Variants in ARAP2 observed in about 807,000 individuals in gnomAD.
ARAP2 encodes arf-GAP with Rho-GAP domain, ANK repeat and PH domain-containing protein 2.
In ARAP2, 148 loss-of-function variants were observed where a neutral mutation model predicts 194.5. That is an observed-to-expected ratio of 0.76 (90% CI 0.67 to 0.87). ARAP2 has a LOEUF of 0.87. Among genes scored for constraint, ARAP2 ranks in the 40% least tolerant of loss-of-function variants. The pLI, the probability that ARAP2 is intolerant of heterozygous loss-of-function variation, is 0.00. For missense variants in ARAP2, 2,128 were observed against 1,989.7 expected (o/e 1.07, Z -1.32); for synonymous variants, 695 against 683.5 (o/e 1.02, Z -0.26).
At position 36,030,648 on chromosome 4, in the gene ARAP2, A is replaced by G. The variant is rs578185529; in HGVS notation, n.608-11362T>C. 1.9e-3 allele frequency among the ~76,000 whole-genome samples: 288 copies of G among 152,184 alleles called. 1 individual carries two copies. Among genetic ancestry groups the G allele is most frequent in the African/African-American group, 6.7e-3 (278 of 41,550 alleles). On this transcript the variant is annotated intron_variant and non_coding_transcript_variant, in intron 5 of 12. Coordinates refer to the ARAP2 transcript ENST00000503225. ...TTCTTTTATTCTCATAAGCACATTT[A>G]TACATTGCCTCATATCTTTTCACTG...
At chr4:36,112,997 T>C (rs994688149) in intron 26 of ARAP2, among the ~76,000 whole-genome samples, 2 of 151,722 alleles carry the variant, frequency 1.3e-5, no homozygotes, top group Non-Finnish European at 2.9e-5. Context: ...GAAAACCCAA[T>C]GTTTAGAAAA....
At chr4:36,194,426 GAA>G (rs1742628979) in intron 6 of ARAP2, among the ~76,000 whole-genome samples, 1 of 151,946 alleles carries the variant, frequency 6.6e-6, no homozygotes, top group Admixed American at 6.5e-5. Context: ...CTTTAACACA[GAA>G]AATATACGAA....
rs1403512981 is a variant in ARAP2, at chr4:36,210,657, A to T, written c.1220T>A (p.Ile407Lys). The change falls in exon 6 of 33, where the codon ATA (isoleucine) becomes AAA (lysine). Residue 407 changes from isoleucine to lysine, a missense_variant. By Grantham distance (102) the Ile-to-Lys change is moderately radical. Transcript: ENST00000303965. ...GTATTCTGATTCAGAAGCAGTGTCTATCAAAAAATTGTTTTTGTCCTCTCG... is the reference window on the plus strand; with the variant it reads ...GTATTCTGATTCAGAAGCAGTGTCTTTCAAAAAATTGTTTTTGTCCTCTCG... Reference protein sequence around the residue: ...IPREDKNNFLIDTASESEYST... With the variant: ...IPREDKNNFLKDTASESEYST... 5 of 1,613,590 alleles carry T rather than the reference A, an allele frequency of 3.1e-6. No individual in the cohort carries two copies. The Admixed American group carries it at 8.3e-5, about 27-fold the overall frequency.
intron 32 of ARAP2, among the ~76,000 whole-genome samples, chr4:36,070,750 G>GT (rs1443016437): frequency 6.6e-6 from 1 of 152,142 alleles, no homozygotes; most frequent in African/African-American, 2.4e-5. Context: ...CAAACTCACT[G>GT]TATTACTTAA....
chr4:36,177,795 C>A, intron 9 of ARAP2, 32 bp downstream of exon 9: 4 of 1,516,512 alleles, frequency 2.6e-6, no homozygotes, highest in Non-Finnish European at 2.6e-6. Context: ...AATAAAATAG[C>A]AGCAATTTGC....
intron 3 of ARAP2, among the ~76,000 whole-genome samples, chr4:36,049,316 A>T (rs983780363): frequency 8.5e-5 from 13 of 152,182 alleles, no homozygotes; most frequent in Non-Finnish European, 1.5e-5. Flanking sequence ...AATGTATTCA[A>T]TCATTCTTTA....
chr4:36,234,941 G>A lies in ARAP2; in HGVS notation c.-159-5296C>T, dbSNP rs185530541. Among the ~76,000 whole-genome samples, 336 of 152,252 alleles carry A rather than the reference G, an allele frequency of 2.2e-3. 14 individuals are homozygous for A. The highest frequency in any genetic ancestry group is 0.022 in the Admixed American group (336 of 15,300). ...TAGTTGGCATTACAGACATGGCTGT[G>A]CATTTGCCCATGCTATCCTGACCCA... On this transcript the variant is annotated intron_variant, in intron 1 of 32. Coordinates refer to ENST00000303965, the MANE Select transcript of ARAP2 (RefSeq NM_015230.4).
intron 24 of ARAP2, among the ~76,000 whole-genome samples, chr4:36,117,782 A>G (rs183543201): frequency 6.6e-6 from 1 of 151,768 alleles, no homozygotes; most frequent in African/African-American, 2.4e-5. Flanking sequence ...GTACTAATTT[A>G]GGTCATTATT....
intron 9 of ARAP2, among the ~76,000 whole-genome samples, chr4:36,176,937 T>C (rs1287043942): frequency 6.6e-6 from 1 of 152,078 alleles, no homozygotes; most frequent in Non-Finnish European, 1.5e-5. Context: ...TATCATAAAA[T>C]GAGTTCATCT....
chr4:36,214,490 C>A lies in ARAP2; in HGVS notation c.906-10G>T. ...TCTTTCACGGAAATAGCTTAAAAAG[C>A]AAAGGAGAAAATACTTATGAGTGAA... On this transcript the variant is annotated splice_polypyrimidine_tract_variant and intron_variant, in intron 2 of 32. Coordinates refer to ENST00000303965, the MANE Select transcript of ARAP2 (RefSeq NM_015230.4). 1 of 1,583,264 alleles carries A rather than the reference C, an allele frequency of 6.3e-7. No homozygotes were observed.
chr4:36,144,160 T>C (rs529111245), intron 19 of ARAP2, among the ~76,000 whole-genome samples: 3 of 151,558 alleles, frequency 2.0e-5, no homozygotes, highest in African/African-American at 7.2e-5. Flanking sequence ...ACTCCATAGG[T>C]TAAAAAAAAG....
intron 15 of ARAP2, among the ~76,000 whole-genome samples, chr4:36,158,181 T>C (rs553051657): frequency 5.6e-4 from 86 of 152,276 alleles, no homozygotes; most frequent in African/African-American, 2.0e-3. Context: ...AAATGCCCCA[T>C]TGTAACTCTG....
chr4:36,096,922 A>G (rs1038058656), intron 27 of ARAP2, among the ~76,000 whole-genome samples: 1 of 152,138 alleles, frequency 6.6e-6, no homozygotes, highest in East Asian at 1.9e-4. Flanking sequence ...TGGTTTACAA[A>G]TAGGTATTTT....
At chr4:36,161,655 T>G (rs1560564813) in intron 11 of ARAP2, 105 bp from the exon 12 acceptor site, 1 of 858,908 alleles carries the variant, frequency 1.2e-6, no homozygotes, top group East Asian at 2.6e-5. Context: ...GTTGCGTATC[T>G]TCTCAACTTA....
chr4:36,088,388 C>T (rs530467422), intron 28 of ARAP2, among the ~76,000 whole-genome samples: 8 of 152,086 alleles, frequency 5.3e-5, no homozygotes, highest in African/African-American at 1.4e-4. Flanking sequence ...CAAGCATAAA[C>T]GTAAAGTTTG....
chr4:36,211,996 G>A (rs1263426832), intron 5 of ARAP2, among the ~76,000 whole-genome samples: 1 of 111,724 alleles, frequency 9.0e-6, no homozygotes, highest in Non-Finnish European at 2.0e-5. Context: ...CTTCTTGCCA[G>A]TGCTGAAACT....
intron 9 of ARAP2, among the ~76,000 whole-genome samples, chr4:36,169,361 C>T (rs1003590331): frequency 2.0e-5 from 3 of 152,036 alleles, no homozygotes; most frequent in African/African-American, 7.3e-5. Context: ...GTAAGAATGA[C>T]AACCTTTTAT....
intron 2 of ARAP2, among the ~76,000 whole-genome samples, chr4:36,225,767 C>A (rs1750169983): frequency 6.6e-6 from 1 of 152,102 alleles, no homozygotes; most frequent in Non-Finnish European, 1.5e-5. Flanking sequence ...ATCCACATTC[C>A]TTTGAGCAGC....
intron 9 of ARAP2, among the ~76,000 whole-genome samples, chr4:36,176,962 A>G (rs1738072310): frequency 6.6e-6 from 1 of 152,120 alleles, no homozygotes; most frequent in Non-Finnish European, 1.5e-5. Context: ...TCAGCTATCC[A>G]AAGTGCACAG....
Sources: allele counts gnomAD v4.1 joint callset (sites outside exome capture counted in the v4.1 genomes callset), GRCh38; gene constraint gnomAD v4.1.1; transcripts MANE v1.5; gene names NCBI Gene and HGNC (gene_info 2026-07-23, HGNC 2026-07-21).